STARD13: variants seen among roughly 807,000 people sequenced by gnomAD.
STARD13 encodes the protein StAR related lipid transfer domain containing 13.
A neutral mutation model predicts 106.4 loss-of-function variants in STARD13; 62 were observed. That is an observed-to-expected ratio of 0.58 (90% CI 0.48 to 0.72). The LOEUF (loss-of-function observed/expected upper bound fraction) is 0.72. STARD13 is among the 30% of genes least tolerant of loss of function. The pLI is 0.00. For synonymous variants in STARD13, 565 were observed against 553.0 expected (o/e 1.02, Z -0.31); for missense variants, 1,387 against 1,424.0 (o/e 0.97, Z 0.42).
the STARD13 span, among the ~76,000 whole-genome samples, chr13:33,383,231 G>A: frequency 2.0e-5 from 3 of 152,146 alleles, no homozygotes; most frequent in African/African-American, 4.8e-5. Flanking sequence ...TACTACACAC[G>A]GAGAAGAATC....
intron 12 of STARD13, among the ~76,000 whole-genome samples, chr13:33,108,715 A>C (rs1186429432): frequency 2.0e-5 from 3 of 152,178 alleles, no homozygotes. Context: ...GAGGTTCTAC[A>C]CACAGACTCA....
At chr13:33,321,043 T>C (rs1038249114) in intron 1 of STARD13, among the ~76,000 whole-genome samples, 4 of 152,228 alleles carry the variant, frequency 2.6e-5, no homozygotes, top group Non-Finnish European at 5.9e-5. Flanking sequence ...TTCAATATTG[T>C]ATGTTTAAAA....
chr13:33,525,910 A>G, the STARD13 span, among the ~76,000 whole-genome samples: 1 of 152,184 alleles, frequency 6.6e-6, no homozygotes, highest in South Asian at 2.1e-4. Flanking sequence ...ATTCGCCTGT[A>G]AAACAATACT....
At chr13:33,545,319 T>G in the STARD13 span, among the ~76,000 whole-genome samples, 2 of 151,926 alleles carry the variant, frequency 1.3e-5, no homozygotes, top group Admixed American at 1.3e-4. Context: ...ATGATCTCGA[T>G]CTCCTGACCT....
At chr13:33,271,299 G>T (rs956246742) in intron 1 of STARD13, 1 of 152,216 alleles carries the variant, frequency 6.6e-6, no homozygotes, top group African/African-American at 2.4e-5. Flanking sequence ...CTGAGTTCCA[G>T]ATCCACTGTC....
chr13:33,211,805 C>G (rs1284913354), intron 1 of STARD13, among the ~76,000 whole-genome samples: 2 of 148,620 alleles, frequency 1.3e-5, no homozygotes, highest in African/African-American at 2.5e-5. Context: ...AGAGCTGACT[C>G]TGTGTGTGTG....
chr13:33,471,895 A>G, the STARD13 span, among the ~76,000 whole-genome samples: 1 of 152,170 alleles, frequency 6.6e-6, no homozygotes, highest in Non-Finnish European at 1.5e-5. Context: ...ATGTAGGAAG[A>G]ATATTCTTTC....
the STARD13 span, among the ~76,000 whole-genome samples, chr13:33,566,804 G>C: frequency 6.8e-6 from 1 of 147,924 alleles, no homozygotes; most frequent in African/African-American, 2.5e-5. Context: ...TGTGATCCTT[G>C]CTGTGTCTAA....
chr13:33,425,288 A>G, the STARD13 span, among the ~76,000 whole-genome samples: 1 of 152,194 alleles, frequency 6.6e-6, no homozygotes, highest in Non-Finnish European at 1.5e-5. Context: ...AAGCATCTGA[A>G]GTGCCTAGGA....
At chr13:33,517,983 CATT>C in the STARD13 span, among the ~76,000 whole-genome samples, 1 of 151,928 alleles carries the variant, frequency 6.6e-6, no homozygotes, top group African/African-American at 2.4e-5. Context: ...TTCTGGGACT[CATT>C]ATTTAAAAAC....
the STARD13 span, among the ~76,000 whole-genome samples, chr13:33,623,992 G>A: frequency 1.3e-5 from 2 of 152,168 alleles, no homozygotes; most frequent in Non-Finnish European, 2.9e-5. Flanking sequence ...TAGAATAACT[G>A]GAGCTGTCAT....
the STARD13 span, among the ~76,000 whole-genome samples, chr13:33,615,896 C>T: frequency 1.3e-5 from 2 of 152,084 alleles, no homozygotes; most frequent in Non-Finnish European, 1.5e-5. Context: ...AATTGCGTAC[C>T]TATAGTATTG....
chr13:33,123,111 C>A (rs553664945), intron 7 of STARD13, among the ~76,000 whole-genome samples: 37 of 146,764 alleles, frequency 2.5e-4, no homozygotes, highest in Non-Finnish European at 4.3e-4. Context: ...CACTGGATAG[C>A]CCCAGAGCAC....
At chr13:33,427,198 A>T in the STARD13 span, among the ~76,000 whole-genome samples, 1 of 152,212 alleles carries the variant, frequency 6.6e-6, no homozygotes, top group African/African-American at 2.4e-5. Context: ...GGAAAATGAG[A>T]CGTACACAGA....
chr13:33,204,452 G>T (rs977873012), intron 1 of STARD13, among the ~76,000 whole-genome samples: 1 of 152,178 alleles, frequency 6.6e-6, no homozygotes, highest in South Asian at 2.1e-4. Context: ...AAGACAGTAC[G>T]ACAAAATCTT....
At chr13:33,134,733 T>C (rs1410771039) in intron 4 of STARD13, among the ~76,000 whole-genome samples, 1 of 152,152 alleles carries the variant, frequency 6.6e-6, no homozygotes, top group African/African-American at 2.4e-5. Context: ...AGAATAGCAA[T>C]ATTGAGAAGT....
intron 1 of STARD13, among the ~76,000 whole-genome samples, chr13:33,335,887 C>T (rs369813384): frequency 2.0e-5 from 3 of 152,206 alleles, no homozygotes; most frequent in South Asian, 2.1e-4. Context: ...GCATTAAGTA[C>T]GAACATACAC....
chr13:33,624,696 T>A, the STARD13 span, among the ~76,000 whole-genome samples: 7 of 152,356 alleles, frequency 4.6e-5, no homozygotes, highest in African/African-American at 1.7e-4. Flanking sequence ...GTCTGTTAAA[T>A]AGCAAGTGAG....
chr13:33,342,533 GTT>G (rs1317679388), intron 1 of STARD13, among the ~76,000 whole-genome samples: 2 of 138,752 alleles, frequency 1.4e-5, no homozygotes, highest in Non-Finnish European at 1.6e-5. Flanking sequence ...TTTATAGTTT[GTT>G]TTTTTTTTTT....
Sources: allele counts gnomAD v4.1 joint callset (sites outside exome capture counted in the v4.1 genomes callset), GRCh38; gene constraint gnomAD v4.1.1; transcripts MANE v1.5; gene names NCBI Gene and HGNC (gene_info 2026-07-23, HGNC 2026-07-21).